MYO1E: variants seen among roughly 807,000 people sequenced by gnomAD.
The protein encoded by MYO1E is unconventional myosin-Ie.
MYO1E carries 68 observed loss-of-function variants against 151.1 expected under a neutral mutation model. The observed-to-expected ratio is 0.45, with a 90% CI of 0.37 to 0.55. The LOEUF (loss-of-function observed/expected upper bound fraction) is 0.55, where lower values mean the gene tolerates loss of function less well. Among genes scored for constraint, MYO1E ranks in the 20% least tolerant of loss-of-function variants. MYO1E has a pLI of 0.00. For synonymous variants in MYO1E, 601 were observed against 501.7 expected (o/e 1.20, Z -2.64); for missense variants, 1,363 against 1,389.3 (o/e 0.98, Z 0.30).
chr15:59,234,271 TGGATGGATGCAC>T (rs1331831111), intron 5 of MYO1E, among the ~76,000 whole-genome samples: 2 of 151,924 alleles, frequency 1.3e-5, no homozygotes, highest in African/African-American at 4.8e-5. Flanking sequence ...GGTGCATGGA[TGGATGGATGCAC>T]GGATGGATGG....
intron 1 of MYO1E, among the ~76,000 whole-genome samples, chr15:59,273,359 A>G (rs1367579996): frequency 6.2e-5 from 9 of 145,074 alleles, no homozygotes; most frequent in Non-Finnish European, 3.1e-5. Context: ...AAGTCCTATG[A>G]AGACACCTAG....
chr15:59,273,314 C>A (rs557948221), intron 1 of MYO1E, among the ~76,000 whole-genome samples: 1 of 152,154 alleles, frequency 6.6e-6, no homozygotes, highest in East Asian at 1.9e-4. Context: ...TGTTCAGCTA[C>A]GTGACAAGTT....
chr15:59,157,797 A>G (rs1246396931), intron 25 of MYO1E, among the ~76,000 whole-genome samples: 2 of 152,266 alleles, frequency 1.3e-5, no homozygotes, highest in Non-Finnish European at 2.9e-5. Context: ...TCAAACTGGA[A>G]AAGTATAGAT....
intron 4 of MYO1E, among the ~76,000 whole-genome samples, chr15:59,249,484 C>G (rs909441171): frequency 9.2e-5 from 14 of 151,804 alleles, no homozygotes; most frequent in African/African-American, 3.1e-4. Context: ...GGTCAGGTGC[C>G]TGTCCATCCT....
chr15:59,283,552 G>C (rs920920160), intron 1 of MYO1E, among the ~76,000 whole-genome samples: 5 of 152,188 alleles, frequency 3.3e-5, no homozygotes, highest in African/African-American at 1.2e-4. Flanking sequence ...GTGCCATGAT[G>C]CATGGCATGG....
rs2080871901 is a variant in MYO1E, at chr15:59,359,271, T to TA, written c.3+13226_3+13227insT. Among the ~76,000 whole-genome samples, 3 of 106,962 alleles carry TA rather than the reference T, an allele frequency of 2.8e-5. No individual in the cohort carries two copies. The Admixed American group carries it at 3.6e-4, about 13-fold the overall frequency. The allele number at this position is 106,962 out of a possible 152,430, so 70.2% of individuals were successfully genotyped here. A position where few individuals can be genotyped will look rare whatever the true frequency, so the allele number is the denominator to read the frequency against. ...TGAGACCCTGTAAAATATATATATA[T>TA]TTTACATACATATATATATATATGT... is the stretch of plus-strand genomic sequence containing the variant. On this transcript the variant is annotated intron_variant, in intron 1 of 27. Transcript: ENST00000288235.
In MYO1E at chr15:59,296,762, T is replaced by C. The variant is rs1194663370; in HGVS notation, c.4-24313A>G. Among the ~76,000 whole-genome samples, 4 of 152,008 alleles carry C rather than the reference T, an allele frequency of 2.6e-5. No individual in the cohort carries two copies. In the East Asian group the frequency reaches 7.7e-4, roughly 29 times the overall value. ...GTGTTTGAGTGCAGGACAATGAAGG[T>C]AGGGCTGTTTAAACCATCTATTTTT... On this transcript the variant is annotated intron_variant, in intron 1 of 27. Transcript: ENST00000288235.
chr15:59,224,574 A>G, intron 8 of MYO1E, 115 bp downstream of exon 8: 1 of 1,414,068 alleles, frequency 7.1e-7, no homozygotes, highest in Non-Finnish European at 9.9e-7. Flanking sequence ...GCTCACAGAG[A>G]AAGAGGCGGA....
intron 26 of MYO1E, among the ~76,000 whole-genome samples, chr15:59,144,755 TTCCCAGAC>T (rs772009042): frequency 6.6e-6 from 1 of 152,212 alleles, no homozygotes; most frequent in Non-Finnish European, 1.5e-5. Context: ...AACAGCCATT[TTCCCAGAC>T]TCCAACAGCC....
chr15:59,361,281 T>C (rs890845104), intron 1 of MYO1E, among the ~76,000 whole-genome samples: 25 of 152,196 alleles, frequency 1.6e-4, no homozygotes, highest in Non-Finnish European at 1.5e-5. Flanking sequence ...TAAGAAAGTA[T>C]AAACATTTAT....
chr15:59,305,270 T>G (rs1306598977), intron 1 of MYO1E, among the ~76,000 whole-genome samples: 5 of 152,204 alleles, frequency 3.3e-5, no homozygotes, highest in Admixed American at 6.5e-5. Flanking sequence ...CTCAGCTCAC[T>G]GCAACCTCTG....
At chr15:59,318,844 C>A (rs60184504) in intron 1 of MYO1E, among the ~76,000 whole-genome samples, 3,785 of 152,198 alleles carry the variant, frequency 0.025, 97 homozygotes, top group African/African-American at 0.068. Flanking sequence ...CAAGATTACA[C>A]GAAGAGTAAA....
At chr15:59,355,535 G>C (rs376611797) in intron 1 of MYO1E, among the ~76,000 whole-genome samples, 1 of 152,134 alleles carries the variant, frequency 6.6e-6, no homozygotes, top group African/African-American at 2.4e-5. Flanking sequence ...TTTTTCACTT[G>C]AGTTCCAGAA....
At chr15:59,141,331 C>T (rs2079407790) in intron 26 of MYO1E, among the ~76,000 whole-genome samples, 1 of 152,240 alleles carries the variant, frequency 6.6e-6, no homozygotes, top group African/African-American at 2.4e-5. Context: ...CTAAACTCCA[C>T]AGACACGTCC....
At chr15:59,357,849 C>T (rs1435557232) in intron 1 of MYO1E, among the ~76,000 whole-genome samples, 2 of 151,918 alleles carry the variant, frequency 1.3e-5, no homozygotes, top group Non-Finnish European at 2.9e-5. Flanking sequence ...GGAATTGATT[C>T]CAGCCAGACA....
At chr15:59,170,008 A>G (rs1397484643) in intron 22 of MYO1E, among the ~76,000 whole-genome samples, 12 of 152,032 alleles carry the variant, frequency 7.9e-5, no homozygotes, top group Non-Finnish European at 1.2e-4. Context: ...TAAAAATACA[A>G]ACATTAGCCA....
intron 1 of MYO1E, among the ~76,000 whole-genome samples, chr15:59,296,232 A>G (rs992680461): frequency 1.3e-5 from 2 of 152,226 alleles, no homozygotes; most frequent in African/African-American, 4.8e-5. Flanking sequence ...ACAGTAATCC[A>G]GCCCACAGCA....
intron 1 of MYO1E, among the ~76,000 whole-genome samples, chr15:59,333,396 C>T (rs1181037508): frequency 2.6e-5 from 4 of 152,144 alleles, no homozygotes; most frequent in African/African-American, 9.7e-5. Flanking sequence ...CACTCCACCA[C>T]CGCGCCTGGG....
intron 1 of MYO1E, among the ~76,000 whole-genome samples, chr15:59,334,284 AAAAT>A (rs1217370971): frequency 6.6e-6 from 1 of 152,320 alleles, no homozygotes; most frequent in South Asian, 2.1e-4. Flanking sequence ...ACCCTGTCTC[AAAAT>A]AAATAAATAA....
Sources: allele counts gnomAD v4.1 joint callset (sites outside exome capture counted in the v4.1 genomes callset), GRCh38; gene constraint gnomAD v4.1.1; transcripts MANE v1.5; gene names NCBI Gene and HGNC (gene_info 2026-07-23, HGNC 2026-07-21).